MORF4L2: variants seen among roughly 807,000 people sequenced by gnomAD.
MORF4L2 encodes the protein mortality factor 4-like protein 2.
A neutral mutation model predicts 12.0 loss-of-function variants in MORF4L2; 1 was observed. The observed-to-expected ratio is 0.08, with a 90% CI of 0.03 to 0.40. The LOEUF (loss-of-function observed/expected upper bound fraction) is 0.40, where lower values mean the gene tolerates loss of function less well. Ranked by LOEUF, MORF4L2 falls within the 10% of genes least tolerant of loss-of-function variation. The pLI, the probability that MORF4L2 is intolerant of heterozygous loss-of-function variation, is 0.98. For synonymous variants in MORF4L2, 69 were observed against 81.6 expected, an observed-to-expected ratio of 0.85 and a Z score of 0.83; for missense variants, 123 against 214.0, an observed-to-expected ratio of 0.57 and a Z score of 2.65.
chrX:103,684,031 G>C (rs1359862824), intron 2 of MORF4L2, among the ~76,000 whole-genome samples: 2 of 112,162 alleles, frequency 1.8e-5, no homozygotes, highest in Admixed American at 1.9e-4. Context: ...GGAAATTACA[G>C]TGACTCCATA....
intron 2 of MORF4L2, among the ~76,000 whole-genome samples, chrX:103,681,068 T>C (rs112870319): frequency 4.5e-5 from 5 of 111,684 alleles, no homozygotes; most frequent in African/African-American, 1.3e-4. Flanking sequence ...GGAAGTCACA[T>C]TGGTCCCTGG....
chrX:103,679,696 T>C (rs1421722098), intron 2 of MORF4L2, among the ~76,000 whole-genome samples: 2 of 108,633 alleles, frequency 1.8e-5, no homozygotes, highest in African/African-American at 6.7e-5. Flanking sequence ...GAGAAAGGGA[T>C]GATTGTAGAC....
rs763967896 is a variant in MORF4L2, at chrX:103,676,613, A to G, written c.415T>C (p.Leu139=). Residue 139 remains leucine, a synonymous_variant, in exon 4 of 4, where the codon TTA becomes CTA. Coordinates refer to ENST00000441076, the MANE Select transcript of MORF4L2 (RefSeq NM_012286.3). ...AACAGCTGCTTCTGCCTGGTAACTA[A>G]GTCCCAGTCCTCAACAAGCCATGGT... ...LKPWLVEDWD[L]VTRQKQLFQL... The G allele has an allele frequency of 2.5e-6, 3 of 1,210,906 alleles. No homozygotes were observed. The highest frequency in any genetic ancestry group is 3.4e-6 in the Non-Finnish European group (3 of 895,242).
chrX:103,676,916 A>C lies in MORF4L2; in HGVS notation c.112T>G (p.Ser38Ala), dbSNP rs1205875131. ...NMQRSKMRGA[S>A]SGKKTAGPQQ... The stretch of plus-strand genomic sequence containing the variant: ...GGACCAGCTGTCTTCTTTCCTGAGG[A>C]GGCCCCTCTCATTTTACTTCTCTGC... The change falls in exon 4 of 4, where the codon TCC becomes GCC. Residue 38 changes from serine (S) to alanine (A), a missense_variant. Transcript: ENST00000441076. 5 of 1,209,005 alleles carry C rather than the reference A, an allele frequency of 4.1e-6. No individual in the cohort carries two copies. The highest frequency in any genetic ancestry group is 1.8e-5 in the South Asian group (1 of 56,787).
chrX:103,685,315 A>G (rs896387127), intron 1 of MORF4L2, 55 bp from the exon 2 acceptor site: 2 of 112,183 alleles, frequency 1.8e-5, no homozygotes, highest in African/African-American at 6.5e-5. Flanking sequence ...GATATGAGAT[A>G]TGGCTTTCTT....
chrX:103,676,719 G>A lies in MORF4L2; in HGVS notation c.309C>T (p.Ala103=). The stretch of plus-strand genomic sequence containing the variant: ...CACTTTCAACAGTGGGGTCTGCCCG[G>A]GCCCTTTTCTTCCGAGGGGGCTGAG... ...EAPQPPRKKR[A]RADPTVESEE... The change falls in exon 4 of 4, where the codon GCC becomes GCT. Residue 103 remains alanine (A), a synonymous_variant. Coordinates refer to ENST00000441076, the MANE Select transcript of MORF4L2 (RefSeq NM_012286.3). 8.3e-7 allele frequency: 1 copy of A among 1,207,370 alleles called. No homozygotes were observed. Among genetic ancestry groups the A allele is most frequent in the South Asian group, 1.8e-5 (1 of 56,505 alleles).
chrX:103,684,978 T>C (rs1425741828), intron 2 of MORF4L2, 193 bp downstream of exon 2: 1 of 112,745 alleles, frequency 8.9e-6, no homozygotes, highest in Non-Finnish European at 1.9e-5. Context: ...GATGTAAGAT[T>C]ACAAAGCCCT....
Position 103,676,732 on chromosome X carries a change from C to T in MORF4L2, c.296G>A (p.Arg99Gln). ...GGGGTCTGCCCGGGCCCTTTTCTTC[C>T]GAGGGGGCTGAGGTGCTTCGCTGGT... ...GSTSEAPQPP[R>Q]KKRARADPTV... Residue 99 changes from arginine (R) to glutamine (Q), a missense_variant, in exon 4 of 4, where the codon CGG becomes CAG. Coordinates refer to ENST00000441076, the MANE Select transcript of MORF4L2 (RefSeq NM_012286.3). 1 of 1,207,078 alleles carries T rather than the reference C, an allele frequency of 8.3e-7. No individual in the cohort carries two copies. Among genetic ancestry groups the T allele is most frequent in the Non-Finnish European group, 1.1e-6 (1 of 894,451 alleles).
At chrX:103,687,102 C>CTT (rs969572345), upstream of MORF4L2, among the ~76,000 whole-genome samples, 1 of 99,737 alleles carries the variant, frequency 1.0e-5, no homozygotes, top group Non-Finnish European at 2.0e-5. Flanking sequence ...TTTCCTTTTC[C>CTT]TTTTTTTTTT....
chrX:103,682,589 T>A (rs2074010061), intron 2 of MORF4L2, among the ~76,000 whole-genome samples: 1 of 112,424 alleles, frequency 8.9e-6, no homozygotes, highest in Non-Finnish European at 1.9e-5. Flanking sequence ...CATTTGAATT[T>A]GTGTGATATC....
At position 103,684,277 on chromosome X, in the gene MORF4L2, ATT is replaced by A. The variant is rs35376766; in HGVS notation, c.-178+892_-178+893del. Among the ~76,000 whole-genome samples the A allele has an allele frequency of 3.9e-3, 422 of 107,073 alleles. 4 individuals carry two copies. The highest frequency in any genetic ancestry group is 0.014 in the African/African-American group (402 of 29,619). 93.0% of individuals were successfully genotyped at this position (107,073 alleles called of 115,157 possible). A position where few individuals can be genotyped will look rare whatever the true frequency, so the allele number is the denominator to read the frequency against. On this transcript the variant is annotated intron_variant, in intron 2 of 3. Transcript: ENST00000441076. ...GAAACATTTCCATTACATGTAATAG[ATT>A]TTTTTTTTTTAAGTCTGAGACAAAG...
chrX:103,679,860 CAAAAA>C (rs1157909391), intron 2 of MORF4L2, among the ~76,000 whole-genome samples: 1 of 47,734 alleles, frequency 2.1e-5, no homozygotes, highest in African/African-American at 9.3e-5. Context: ...CACCTGTGGG[CAAAAA>C]AAAAAAAAAA....
At chrX:103,677,992 A>T (rs1277800691) in intron 3 of MORF4L2, among the ~76,000 whole-genome samples, 1 of 110,943 alleles carries the variant, frequency 9.0e-6, no homozygotes, top group African/African-American at 3.3e-5. Flanking sequence ...AGGTGGAGAA[A>T]ATGGATTGGA....
chrX:103,682,614 C>G (rs1244162338), intron 2 of MORF4L2, among the ~76,000 whole-genome samples: 1 of 112,076 alleles, frequency 8.9e-6, no homozygotes, highest in Non-Finnish European at 1.9e-5. Context: ...TTCACACATT[C>G]AATGGTCACG....
chrX:103,687,515 G>A (rs996436495), upstream of MORF4L2: 10 of 112,028 alleles, frequency 8.9e-5, no homozygotes, highest in Non-Finnish European at 1.5e-4. Flanking sequence ...GCGCGCGCGT[G>A]CGTGATGGTG....
At chrX:103,686,376 G>A (rs145623441) in intron 1 of MORF4L2, among the ~76,000 whole-genome samples, 2,535 of 110,969 alleles carry the variant, frequency 0.023, 61 homozygotes, top group African/African-American at 0.078. Flanking sequence ...TATCTTCAGG[G>A]GCCAGGCTTC....
chrX:103,678,130 G>A (rs1010406168), intron 3 of MORF4L2, among the ~76,000 whole-genome samples: 12 of 110,060 alleles, frequency 1.1e-4, no homozygotes, highest in African/African-American at 4.0e-4. Context: ...AATAAAGCTC[G>A]GGTGAGAAGT....
At position 103,676,121 on chromosome X, in the gene MORF4L2, T is replaced by C; in HGVS notation, c.*40A>G. ...AAAAAGACTAAGAACAAAAAGTGTT[T>C]ACAGATACAGGACAAAAATGGTGAG... On this transcript the variant is annotated 3_prime_UTR_variant, in exon 4 of 4. Transcript: ENST00000441076. 1.1e-5 allele frequency: 12 copies of C among 1,136,051 alleles called. No individual in the cohort carries two copies. Among genetic ancestry groups the C allele is most frequent in the Non-Finnish European group, 1.4e-5 (12 of 857,579 alleles). 93.6% of individuals were successfully genotyped at this position (1,136,051 alleles called of 1,213,427 possible).
At chrX:103,685,581 T>C (rs2074080801) in intron 1 of MORF4L2, 1 of 111,065 alleles carries the variant, frequency 9.0e-6, no homozygotes, top group South Asian at 3.8e-4. Flanking sequence ...AAGGCCATCT[T>C]GTTTCATCTA....
Sources: allele counts gnomAD v4.1 joint callset (sites outside exome capture counted in the v4.1 genomes callset), GRCh38; gene constraint gnomAD v4.1.1; transcripts MANE v1.5; gene names NCBI Gene and HGNC (gene_info 2026-07-23, HGNC 2026-07-21).